LRP5: variants seen among roughly 807,000 people sequenced by gnomAD.
LRP5 encodes low-density lipoprotein receptor-related protein 5.
In LRP5, 62 loss-of-function variants were observed where a neutral mutation model predicts 154.1. That is an observed-to-expected ratio of 0.40 (90% CI 0.33 to 0.50). The LOEUF is 0.50. Among genes scored for constraint, LRP5 ranks in the 20% least tolerant of loss-of-function variants. The probability of loss-of-function intolerance (pLI) is 0.55; values close to 1 mark genes in which losing one functional copy is unlikely to be tolerated. For synonymous variants in LRP5, 966 were observed against 1,011.5 expected (o/e 0.96, Z 0.85); for missense variants, 1,915 against 2,336.7 (o/e 0.82, Z 3.72).
chr11:68,367,749 G>C (rs186067231), intron 5 of LRP5, among the ~76,000 whole-genome samples: 1 of 152,104 alleles, frequency 6.6e-6, no homozygotes, highest in Admixed American at 6.6e-5. Context: ...GAGAATCACC[G>C]GAATATGGCA....
In LRP5 at chr11:68,423,826, G is replaced by T; in HGVS notation, c.3236+129G>T. 1.2e-6 allele frequency: 1 copy of T among 853,920 alleles called. No homozygotes were observed. The highest frequency in any genetic ancestry group is 1.7e-5 in the South Asian group (1 of 59,822). 52.9% of individuals were successfully genotyped at this position (853,920 alleles called of 1,614,324 possible). ...GGGGATCCAATGGGTGGCTTTCCAG[G>T]GTCCCAAAAGCAAACACAGGCTCTT... On this transcript the variant is annotated intron_variant, in intron 14 of 22. Coordinates refer to ENST00000294304, the MANE Select transcript of LRP5 (RefSeq NM_002335.4). This position sits in a 1 kb window ranked among gnomAD's most constrained non-coding sequence, Gnocchi z 4.7.
intron 6 of LRP5, among the ~76,000 whole-genome samples, chr11:68,387,913 G>A (rs1406805118): frequency 1.3e-5 from 2 of 152,220 alleles, no homozygotes; most frequent in East Asian, 1.9e-4. Flanking sequence ...GGGCAGCGGC[G>A]GGCAGAGGAT....
In LRP5 at chr11:68,423,417, G is replaced by A. The variant is rs2098666939; in HGVS notation, c.3028-72G>A. 7.0e-7 allele frequency: 1 copy of A among 1,438,328 alleles called. No homozygotes were observed. Among genetic ancestry groups the A allele is most frequent in the Non-Finnish European group, 9.8e-7 (1 of 1,021,210 alleles). The allele number at this position is 1,438,328 out of a possible 1,614,324, so 89.1% of individuals were successfully genotyped here. On this transcript the variant is annotated intron_variant, in intron 13 of 22. Coordinates refer to ENST00000294304, the MANE Select transcript of LRP5 (RefSeq NM_002335.4). This position sits in a 1 kb window ranked among gnomAD's most constrained non-coding sequence, Gnocchi z 4.7. Reference sequence around the variant, plus strand: ...CACCAGTGCCCGGGGGTCTCCGCCAGTGCCAGGGGTCTCCGCCAGTGCCCA... The same window carrying A: ...CACCAGTGCCCGGGGGTCTCCGCCAATGCCAGGGGTCTCCGCCAGTGCCCA...
rs761238994 is a variant in LRP5 at position 68,423,594 on chromosome 11, A to G, written c.3133A>G (p.Thr1045Ala). 6.2e-7 allele frequency: 1 copy of G among 1,614,220 alleles called. No individual in the cohort carries two copies. The highest frequency in any genetic ancestry group is 8.5e-7 in the Non-Finnish European group (1 of 1,180,024). Residue 1045 changes from threonine (T) to alanine (A), a missense_variant, in exon 14 of 23, where the codon ACC becomes GCC. Physicochemically the swap from Thr to Ala is moderately conservative, Grantham distance 58. Coordinates refer to ENST00000294304, the MANE Select transcript of LRP5 (RefSeq NM_002335.4). This position sits in a 1 kb window ranked among gnomAD's most constrained non-coding sequence, Gnocchi z 4.7. Reference sequence around the variant, plus strand: ...GACACTGTTCTGGACGTGCGAGGCCACCAATACCATCAACGTCCACAGGCT... The same window carrying G: ...GACACTGTTCTGGACGTGCGAGGCCGCCAATACCATCAACGTCCACAGGCT... ...SRTLFWTCEA[T>A]NTINVHRLSG...
At chr11:68,365,017 A>G (rs2098630160) in intron 4 of LRP5, among the ~76,000 whole-genome samples, 2 of 152,154 alleles carry the variant, frequency 1.3e-5, no homozygotes, top group South Asian at 2.1e-4. Flanking sequence ...TGGGAGAGTG[A>G]CAAGCTTGGC....
At position 68,425,148 on chromosome 11, in the gene LRP5, C is replaced by T. The variant is rs201957991; in HGVS notation, c.3283C>T (p.Arg1095Cys). 1.1e-5 allele frequency: 17 copies of T among 1,613,704 alleles called. No homozygotes were observed. Among genetic ancestry groups the T allele is most frequent in the Non-Finnish European group, 1.2e-5 (14 of 1,179,966 alleles). ...NMQDRAAKIERAALDGTEREV... is the reference protein window; with the variant it reads ...NMQDRAAKIECAALDGTEREV... The stretch of plus-strand genomic sequence containing the variant: ...GCAGGACCGGGCAGCCAAGATCGAA[C>T]GCGCAGCCCTGGACGGCACCGAGCG... Residue 1095 changes from arginine (R) to cysteine (C), a missense_variant, in exon 15 of 23, where the codon CGC becomes TGC. This residue lies in a region of LRP5 where 1,094 missense variants were observed against 1,210.1 expected (regional missense o/e 0.90). Coordinates refer to ENST00000294304, the MANE Select transcript of LRP5 (RefSeq NM_002335.4).
intron 1 of LRP5, among the ~76,000 whole-genome samples, chr11:68,326,997 G>T (rs1213548755): frequency 1.3e-5 from 2 of 152,188 alleles, no homozygotes; most frequent in Non-Finnish European, 1.5e-5. Context: ...TGCAGGGATG[G>T]TGGGGCCAGG....
chr11:68,322,767 T>A (rs1295754598), intron 1 of LRP5, among the ~76,000 whole-genome samples: 1 of 152,246 alleles, frequency 6.6e-6, no homozygotes, highest in Non-Finnish European at 1.5e-5. Context: ...GAGCATGAGC[T>A]CCCTCTAGCC....
intron 5 of LRP5, among the ~76,000 whole-genome samples, chr11:68,377,710 A>G (rs1198594952): frequency 2.0e-5 from 3 of 152,162 alleles, no homozygotes; most frequent in African/African-American, 7.2e-5. Context: ...GACCCCGTTC[A>G]TCCTGCGTGC....
intron 11 of LRP5, among the ~76,000 whole-genome samples, chr11:68,411,936 A>G (rs2098659830): frequency 6.6e-6 from 1 of 152,106 alleles, no homozygotes; most frequent in African/African-American, 2.4e-5. Flanking sequence ...GGTGGTTTTC[A>G]TTGCTGGGGA....
chr11:68,411,720 C>T, intron 11 of LRP5, 100 bp downstream of exon 11: 7 of 1,281,666 alleles, frequency 5.5e-6, no homozygotes, highest in Non-Finnish European at 7.5e-6. Flanking sequence ...CTGCAAGTTC[C>T]CCAACCTGGC....
chr11:68,423,542 C>T lies in LRP5; in HGVS notation c.3081C>T (p.His1027=), dbSNP rs2098667015. 6.2e-7 allele frequency: 1 copy of T among 1,614,232 alleles called. No homozygotes were observed. Among genetic ancestry groups the T allele is most frequent in the Non-Finnish European group, 8.5e-7 (1 of 1,180,040 alleles). The part of the protein sequence containing the change: ...SQGQNPDRQP[H]DLSIDIYSRT... ...GCCAAAACCCAGACAGGCAGCCCCA[C>T]GACCTCAGCATCGACATCTACAGCC... is the stretch of plus-strand genomic sequence containing the variant. Residue 1027 remains histidine, a synonymous_variant, in exon 14 of 23, where the codon CAC becomes CAT. Transcript: ENST00000294304. This position sits in a 1 kb window ranked among gnomAD's most constrained non-coding sequence, Gnocchi z 4.7.
At chr11:68,397,552 A>G (rs1395315371) in intron 7 of LRP5, among the ~76,000 whole-genome samples, 6 of 152,064 alleles carry the variant, frequency 3.9e-5, no homozygotes, top group Admixed American at 2.6e-4. Context: ...CTCTTTCCAA[A>G]TGGCGACACC....
At chr11:68,354,352 A>C (rs2098621293) in intron 2 of LRP5, among the ~76,000 whole-genome samples, 1 of 152,152 alleles carries the variant, frequency 6.6e-6, no homozygotes. Flanking sequence ...TCTGTTATGA[A>C]ACTCGGGGAA....
intron 16 of LRP5, among the ~76,000 whole-genome samples, chr11:68,427,186 C>T (rs147402160): frequency 6.6e-4 from 101 of 152,242 alleles, no homozygotes; most frequent in African/African-American, 2.3e-3. Context: ...GTCATGACGC[C>T]GTGCTGGGGA....
chr11:68,304,041 G>T, the LRP5 span, among the ~76,000 whole-genome samples: 1 of 152,180 alleles, frequency 6.6e-6, no homozygotes, highest in African/African-American at 2.4e-5. Context: ...AAAAGGAGCC[G>T]ACTGCCAATA....
chr11:68,368,725 G>T (rs539316765), intron 5 of LRP5, among the ~76,000 whole-genome samples: 3 of 152,196 alleles, frequency 2.0e-5, no homozygotes, highest in East Asian at 1.9e-4. Flanking sequence ...GTGACTGTGT[G>T]TCTGTGTGGG....
chr11:68,386,511 G>A lies in LRP5; in HGVS notation c.1211G>A (p.Gly404Glu), dbSNP rs756503895. The A allele has an allele frequency of 6.2e-7, 1 of 1,614,032 alleles. No individual in the cohort carries two copies. Among genetic ancestry groups the A allele is most frequent in the Non-Finnish European group, 8.5e-7 (1 of 1,180,000 alleles). The change falls in exon 6 of 23, where the codon GGG (glycine) becomes GAG (glutamate). Residue 404 changes from glycine (G) to glutamate (E), a missense_variant. By Grantham distance (98) the Gly-to-Glu change is moderately conservative. This residue lies in a region of LRP5 where 773 missense variants were observed against 1,100.9 expected (regional missense o/e 0.70). Transcript: ENST00000294304. This position sits in a 1 kb window ranked among gnomAD's most constrained non-coding sequence, Gnocchi z 7.9. ...VRAIRRAYLD[G>E]SGAQTLVNTE... ...GCCATCCGCAGGGCGTACCTGGACG[G>A]GTCTGGGGCGCAGACGCTGGTCAAC...
intron 1 of LRP5, among the ~76,000 whole-genome samples, chr11:68,338,056 A>G (rs2098606696): frequency 6.6e-6 from 1 of 152,060 alleles, no homozygotes. Flanking sequence ...ATCCTGCCCA[A>G]CTAACCTGCA....
Sources: gnomAD v4.1 joint callset for allele counts (sites outside exome capture counted in the v4.1 genomes callset) on GRCh38, gnomAD v4.1.1 for gene constraint, gnomAD v4.1.1 regional missense constraint, Gnocchi (gnomAD v3.1) non-coding constraint, MANE v1.5 for transcripts, NCBI Gene and HGNC (gene_info 2026-07-23, HGNC 2026-07-21) for gene names.